PHF24: variants seen among roughly 807,000 people sequenced by gnomAD.
The protein encoded by PHF24 is PHD finger protein 24, also known as Galpha inhibitory interacting protein.
PHF24 carries 25 observed loss-of-function variants against 42.6 expected under a neutral mutation model. The ratio of observed to expected loss-of-function variants is 0.59; its 90% confidence interval spans 0.43 to 0.82. The LOEUF is 0.82. PHF24 is among the 40% of genes least tolerant of loss of function. The pLI is 0.00. For synonymous variants in PHF24, 185 were observed against 204.8 expected (o/e 0.90, Z 0.83); for missense variants, 470 against 538.1 (o/e 0.87, Z 1.25).
the PHF24 span, among the ~76,000 whole-genome samples, chr9:34,768,158 T>G: frequency 6.6e-6 from 1 of 152,348 alleles, no homozygotes; most frequent in Middle Eastern, 3.4e-3. Flanking sequence ...AATGACAAGT[T>G]CAAAGACAAA....
the PHF24 span, among the ~76,000 whole-genome samples, chr9:34,828,907 G>A: frequency 7.1e-5 from 1 of 14,108 alleles, no homozygotes; most frequent in African/African-American, 2.9e-4. Flanking sequence ...CCAGTTGCAT[G>A]GTTTTATCTA....
At chr9:34,879,114 A>G in the PHF24 span, among the ~76,000 whole-genome samples, 1 of 152,244 alleles carries the variant, frequency 6.6e-6, no homozygotes, top group Non-Finnish European at 1.5e-5. Flanking sequence ...GTGGACCTCC[A>G]GCAAACTCCA....
the PHF24 span, among the ~76,000 whole-genome samples, chr9:34,909,109 A>G: frequency 6.6e-6 from 1 of 151,876 alleles, no homozygotes; most frequent in African/African-American, 2.4e-5. Context: ...CAGCCTCCCA[A>G]AGCGCTGGGA....
the PHF24 span, among the ~76,000 whole-genome samples, chr9:34,711,749 G>A: frequency 6.6e-6 from 1 of 151,864 alleles, no homozygotes; most frequent in Non-Finnish European, 1.5e-5. Context: ...CACCATGTTG[G>A]CCTGGTTGGT....
chr9:34,858,628 G>A, the PHF24 span, among the ~76,000 whole-genome samples: 1 of 152,202 alleles, frequency 6.6e-6, no homozygotes, highest in Non-Finnish European at 1.5e-5. Context: ...GCCCAAGGGT[G>A]CTGACTTGGC....
At chr9:34,944,196 A>G in the PHF24 span, among the ~76,000 whole-genome samples, 1 of 152,192 alleles carries the variant, frequency 6.6e-6, no homozygotes, top group South Asian at 2.1e-4. Context: ...GTTCCAAAAA[A>G]TTGTTCACAA....
the PHF24 span, among the ~76,000 whole-genome samples, chr9:34,777,627 G>T: frequency 6.6e-6 from 1 of 152,180 alleles, no homozygotes; most frequent in Admixed American, 6.5e-5. Context: ...CAGTAGCAAA[G>T]TAGTGCTTTG....
chr9:34,692,898 T>C, the PHF24 span, among the ~76,000 whole-genome samples: 1 of 150,260 alleles, frequency 6.7e-6, no homozygotes, highest in African/African-American at 2.4e-5. Context: ...GGGATTCTCC[T>C]GCCTCAGCCT....
the PHF24 span, among the ~76,000 whole-genome samples, chr9:34,848,407 T>TC: frequency 1.6e-4 from 24 of 151,800 alleles, no homozygotes; most frequent in Non-Finnish European, 2.7e-4. Flanking sequence ...TGTAGTGTTC[T>TC]CTGATGGTAG....
At chr9:34,957,281 T>C (rs1162509894), upstream of PHF24, among the ~76,000 whole-genome samples, 1 of 152,262 alleles carries the variant, frequency 6.6e-6, no homozygotes, top group Non-Finnish European at 1.5e-5. Flanking sequence ...ACATGCATTA[T>C]ATTTGAGGTA....
At chr9:34,724,177 C>T in the PHF24 span, 4 of 1,551,282 alleles carry the variant, frequency 2.6e-6, no homozygotes, top group Non-Finnish European at 2.6e-6. Context: ...AGGGTTCCTC[C>T]AGGCTGGGTT....
the PHF24 span, among the ~76,000 whole-genome samples, chr9:34,856,579 T>C: frequency 6.6e-6 from 1 of 152,228 alleles, no homozygotes; most frequent in Non-Finnish European, 1.5e-5. Flanking sequence ...CCCAGTTGCC[T>C]TGGTCCCTCC....
At chr9:34,977,897 C>T (rs904123867) in intron 7 of PHF24, 118 bp from the exon 8 acceptor site, 5 of 839,512 alleles carry the variant, frequency 6.0e-6, no homozygotes, top group Middle Eastern at 2.2e-4. Context: ...CCATGCTGCC[C>T]CTGGGATCAG....
chr9:34,853,575 T>C, the PHF24 span, among the ~76,000 whole-genome samples: 18 of 151,332 alleles, frequency 1.2e-4, no homozygotes, highest in Non-Finnish European at 5.9e-5. Context: ...ACGCCTGTAA[T>C]CCCAGCACTT....
Position 34,976,745 on chromosome 9 carries a change from G to C in PHF24, c.849+5G>C, listed in dbSNP as rs1437151424. 6.2e-6 allele frequency: 10 copies of C among 1,609,422 alleles called. No individual in the cohort carries two copies. The highest frequency in any genetic ancestry group is 8.5e-6 in the Non-Finnish European group (10 of 1,176,254). ...CTGCAGCAGTTGCGTCCCCAGGTGA[G>C]GGCCAGTTGGGGCAAATGTTCCTGG... On this transcript the variant is annotated splice_donor_5th_base_variant and intron_variant, in intron 5 of 7. Transcript: ENST00000242315.
At chr9:34,977,568 G>A (rs1468516906) in exon 7 of PHF24, 11 of 1,609,206 alleles carry the variant, frequency 6.8e-6, no homozygotes, top group East Asian at 2.2e-5. Context: ...GGGTCCCATC[G>A]CAGATAGCAG....
chr9:34,742,053 T>C, the PHF24 span, among the ~76,000 whole-genome samples: 4 of 152,318 alleles, frequency 2.6e-5, no homozygotes, highest in African/African-American at 9.6e-5. Flanking sequence ...CTTTGGAGAT[T>C]CCTTTTCCAT....
the PHF24 span, among the ~76,000 whole-genome samples, chr9:34,685,083 T>A: frequency 1.3e-5 from 2 of 152,138 alleles, no homozygotes; most frequent in Admixed American, 1.3e-4. Context: ...TGATGCTGCC[T>A]TGCTGCCCTC....
chr9:34,906,092 G>C, the PHF24 span, among the ~76,000 whole-genome samples: 2 of 152,096 alleles, frequency 1.3e-5, no homozygotes, highest in African/African-American at 4.8e-5. Flanking sequence ...AAACAGGGAG[G>C]GGGGAAAGGA....
Sources: allele counts gnomAD v4.1 joint callset (sites outside exome capture counted in the v4.1 genomes callset), GRCh38; gene constraint gnomAD v4.1.1; transcripts MANE v1.5; gene names NCBI Gene and HGNC (gene_info 2026-07-23, HGNC 2026-07-21).